Variants in ARMH3 observed in about 807,000 individuals in gnomAD.
The protein encoded by ARMH3 is armadillo-like helical domain-containing protein 3.
Under a neutral mutation model 99.1 loss-of-function variants are expected in ARMH3, and 60 were observed. The observed-to-expected ratio is 0.61, with a 90% confidence interval of 0.49 to 0.75. The LOEUF (loss-of-function observed/expected upper bound fraction) is 0.75, where lower values mean the gene tolerates loss of function less well. ARMH3 is among the 30% of genes least tolerant of loss of function. The probability of loss-of-function intolerance (pLI) is 0.00; values close to 1 mark genes in which losing one functional copy is unlikely to be tolerated. For synonymous variants in ARMH3, 285 were observed against 292.8 expected (o/e 0.97, Z 0.27); for missense variants, 679 against 843.1 (o/e 0.81, Z 2.41).
In ARMH3 at chr10:101,878,913, C is replaced by T. The variant is rs1442210206; in HGVS notation, c.1860+10499G>A. Among the ~76,000 whole-genome samples the T allele has an allele frequency of 3.9e-5, 6 of 152,244 alleles. No homozygotes were observed. In the South Asian group the frequency reaches 8.3e-4, roughly 21 times the overall value. ...ATTTCTCATAGGGACCTTTCTGAGACACTTGATTGGAATAAAGAGTCTCTT... is the reference window on the plus strand; with the variant it reads ...ATTTCTCATAGGGACCTTTCTGAGATACTTGATTGGAATAAAGAGTCTCTT... On this transcript the variant is annotated intron_variant, in intron 24 of 25. Transcript: ENST00000370033.
chr10:101,898,980 C>T (rs1185126044), intron 23 of ARMH3, among the ~76,000 whole-genome samples: 1 of 152,172 alleles, frequency 6.6e-6, no homozygotes, highest in Non-Finnish European at 1.5e-5. Context: ...TCCTTGAAGG[C>T]CCAGTTAAAA....
chr10:101,993,286 GAA>G (rs35314567), intron 17 of ARMH3, among the ~76,000 whole-genome samples: 68 of 129,562 alleles, frequency 5.2e-4, no homozygotes, highest in Non-Finnish European at 5.5e-4. Flanking sequence ...CTCAAAAAAA[GAA>G]AAAAAAAAAA....
intron 23 of ARMH3, among the ~76,000 whole-genome samples, chr10:101,902,998 T>C (rs1384748663): frequency 6.6e-6 from 1 of 152,218 alleles, no homozygotes; most frequent in East Asian, 1.9e-4. Context: ...ATAATTGTTT[T>C]ATGCTCACAA....
At chr10:101,878,372 C>T (rs1006563919) in intron 24 of ARMH3, among the ~76,000 whole-genome samples, 2 of 152,048 alleles carry the variant, frequency 1.3e-5, no homozygotes, top group Non-Finnish European at 2.9e-5. Flanking sequence ...TCATGTCTCA[C>T]GTCTGTATTC....
At chr10:101,930,225 C>G (rs1247569623) in intron 23 of ARMH3, among the ~76,000 whole-genome samples, 1 of 152,022 alleles carries the variant, frequency 6.6e-6, no homozygotes, top group Non-Finnish European at 1.5e-5. Flanking sequence ...ACAAAATCAT[C>G]TCAATAGAAG....
intron 23 of ARMH3, among the ~76,000 whole-genome samples, chr10:101,912,113 G>A (rs1240639331): frequency 1.3e-5 from 2 of 152,076 alleles, no homozygotes; most frequent in African/African-American, 4.8e-5. Flanking sequence ...ATTTGAGCAT[G>A]GCTGGGCGTG....
intron 4 of ARMH3, among the ~76,000 whole-genome samples, chr10:102,032,479 C>T (rs972629369): frequency 3.9e-5 from 6 of 152,196 alleles, no homozygotes; most frequent in Non-Finnish European, 7.3e-5. Flanking sequence ...CGGCTCACTG[C>T]AACCTCCGCC....
At chr10:101,966,029 G>A (rs1845517038) in intron 20 of ARMH3, among the ~76,000 whole-genome samples, 1 of 151,936 alleles carries the variant, frequency 6.6e-6, no homozygotes, top group Admixed American at 6.6e-5. Context: ...CAGGCACTCT[G>A]ATGGTTCCCT....
At chr10:101,984,617 C>T (rs117032925) in intron 19 of ARMH3, among the ~76,000 whole-genome samples, 2 of 152,046 alleles carry the variant, frequency 1.3e-5, no homozygotes, top group Non-Finnish European at 2.9e-5. Flanking sequence ...CCAACCCCTG[C>T]GGCCATCTAT....
intron 23 of ARMH3, among the ~76,000 whole-genome samples, chr10:101,901,380 G>A (rs1009847149): frequency 1.3e-5 from 2 of 152,032 alleles, no homozygotes; most frequent in African/African-American, 4.8e-5. Context: ...CCTCAGGAAA[G>A]GCAATCAGCA....
intron 19 of ARMH3, among the ~76,000 whole-genome samples, chr10:101,975,937 G>C (rs538860175): frequency 6.6e-6 from 1 of 150,516 alleles, no homozygotes; most frequent in African/African-American, 2.4e-5. Context: ...GGCAGATCAC[G>C]AGGTCAGGAG....
intron 24 of ARMH3, among the ~76,000 whole-genome samples, chr10:101,860,092 G>T (rs1362441269): frequency 6.6e-6 from 1 of 152,078 alleles, no homozygotes; most frequent in Non-Finnish European, 1.5e-5. Context: ...CGGGGAAAGG[G>T]AATATCAGAA....
intron 24 of ARMH3, among the ~76,000 whole-genome samples, chr10:101,864,075 A>AC (rs1185562058): frequency 3.4e-4 from 37 of 109,448 alleles, no homozygotes; most frequent in Admixed American, 7.5e-4. Context: ...AAAAAAAAAA[A>AC]AAAACACACA....
intron 24 of ARMH3, among the ~76,000 whole-genome samples, chr10:101,869,932 T>C (rs1254275412): frequency 6.6e-6 from 1 of 151,948 alleles, no homozygotes; most frequent in Admixed American, 6.6e-5. Flanking sequence ...ACTCAGGAGG[T>C]TGAAGCCAGA....
At chr10:102,033,424 C>CTTT in intron 2 of ARMH3, 85 bp from the exon 3 acceptor site, 46 of 1,089,794 alleles carry the variant, frequency 4.2e-5, no homozygotes, top group Admixed American at 5.7e-5. Flanking sequence ...CCTTAGTTTT[C>CTTT]TTTTTTTTTT....
intron 20 of ARMH3, among the ~76,000 whole-genome samples, chr10:101,964,213 T>G (rs1177736688): frequency 6.6e-6 from 1 of 152,146 alleles, no homozygotes; most frequent in African/African-American, 2.4e-5. Flanking sequence ...TTTCGCCACG[T>G]TGGCCAGGCT....
intron 19 of ARMH3, among the ~76,000 whole-genome samples, chr10:101,981,912 G>A (rs377264388): frequency 6.6e-6 from 1 of 151,702 alleles, no homozygotes; most frequent in Admixed American, 6.6e-5. Flanking sequence ...CCAGGTACTC[G>A]GGAGGCTGAG....
chr10:102,017,993 C>T (rs2066787678), intron 8 of ARMH3, among the ~76,000 whole-genome samples: 1 of 152,026 alleles, frequency 6.6e-6, no homozygotes, highest in Non-Finnish European at 1.5e-5. Flanking sequence ...AGGTGAAGAT[C>T]CAGAAGCTCA....
chr10:101,882,777 A>G (rs2067450559), intron 24 of ARMH3, among the ~76,000 whole-genome samples: 1 of 152,172 alleles, frequency 6.6e-6, no homozygotes, highest in South Asian at 2.1e-4. Context: ...GATTACAGGC[A>G]TGAGCCACCA....
Sources: gnomAD v4.1 joint callset for allele counts (sites outside exome capture counted in the v4.1 genomes callset) on GRCh38, gnomAD v4.1.1 for gene constraint, MANE v1.5 for transcripts, NCBI Gene and HGNC (gene_info 2026-07-23, HGNC 2026-07-21) for gene names.